EPB41L2: variants seen among roughly 807,000 people sequenced by gnomAD.
The protein encoded by EPB41L2 is erythrocyte membrane protein band 4.1 like 2, also known as band 4.1-like protein 2.
A neutral mutation model predicts 113.0 loss-of-function variants in EPB41L2; 43 were observed. The ratio of observed to expected loss-of-function variants is 0.38; its 90% CI spans 0.30 to 0.49. The LOEUF (loss-of-function observed/expected upper bound fraction) is 0.49. Ranked by LOEUF, EPB41L2 falls within the 20% of genes least tolerant of loss-of-function variation. The pLI, the probability that EPB41L2 is intolerant of heterozygous loss-of-function variation, is 0.95. For synonymous variants in EPB41L2, 442 were observed against 436.7 expected (o/e 1.01, Z -0.15); for missense variants, 1,147 against 1,223.4 (o/e 0.94, Z 0.93).
chr6:130,897,475 T>C (rs1389433615), intron 8 of EPB41L2, among the ~76,000 whole-genome samples: 1 of 152,164 alleles, frequency 6.6e-6, no homozygotes, highest in African/African-American at 2.4e-5. Flanking sequence ...GAGTCCACAA[T>C]TTCTTACTTT....
intron 19 of EPB41L2, among the ~76,000 whole-genome samples, chr6:130,844,984 G>C (rs1013235101): frequency 6.6e-6 from 1 of 152,228 alleles, no homozygotes; most frequent in Non-Finnish European, 1.5e-5. Flanking sequence ...AGAAGTTGCA[G>C]TGAGCTGAGA....
At chr6:131,044,734 A>T (rs1451844363) in intron 1 of EPB41L2, among the ~76,000 whole-genome samples, 2 of 152,184 alleles carry the variant, frequency 1.3e-5, no homozygotes, top group Non-Finnish European at 2.9e-5. Flanking sequence ...ACTGTTAAAA[A>T]GTTCCTCTGC....
chr6:130,844,768 C>T (rs1487330096), intron 19 of EPB41L2, among the ~76,000 whole-genome samples: 1 of 152,160 alleles, frequency 6.6e-6, no homozygotes, highest in Non-Finnish European at 1.5e-5. Context: ...ATCAGCTGGG[C>T]ACGGTGGTTC....
intron 1 of EPB41L2, among the ~76,000 whole-genome samples, chr6:131,030,421 T>C (rs1791907732): frequency 6.6e-6 from 1 of 152,228 alleles, no homozygotes; most frequent in Non-Finnish European, 1.5e-5. Flanking sequence ...AAAAGACTCA[T>C]ATATCTTCTT....
intron 19 of EPB41L2, among the ~76,000 whole-genome samples, chr6:130,847,868 A>C (rs1777505886): frequency 6.6e-6 from 1 of 152,184 alleles, no homozygotes; most frequent in Non-Finnish European, 1.5e-5. Context: ...TCTTTTAAAT[A>C]ACAAATGAAC....
intron 1 of EPB41L2, among the ~76,000 whole-genome samples, chr6:130,982,547 C>T (rs1475022810): frequency 6.6e-6 from 1 of 152,124 alleles, no homozygotes; most frequent in Non-Finnish European, 1.5e-5. Flanking sequence ...AAATGACTTA[C>T]TTGGAACATT....
rs1041568996 is a variant in EPB41L2, at chr6:130,899,523, A to G, written c.1204T>C (p.Ser402Pro). The change falls in exon 8 of 20, where the codon TCC becomes CCC. Residue 402 changes from serine (S) to proline (P), a missense_variant. Coordinates refer to ENST00000337057, the MANE Select transcript of EPB41L2 (RefSeq NM_001431.4). ...SQFLENAKRL[S>P]MYGVDLHHAK... ...TGATGTAGGTCAACACCATACATGG[A>G]AAGCCTCTTTGCATTTTCTAAGAAC... 1 of 1,614,042 alleles carries G rather than the reference A, an allele frequency of 6.2e-7. No homozygotes were observed. The highest frequency in any genetic ancestry group is 8.5e-7 in the Non-Finnish European group (1 of 1,179,882).
At chr6:130,919,279 G>C (rs1308928667) in intron 4 of EPB41L2, among the ~76,000 whole-genome samples, 2 of 152,062 alleles carry the variant, frequency 1.3e-5, no homozygotes, top group African/African-American at 4.8e-5. Context: ...TTTAGCATTA[G>C]TGTCTTTCTG....
chr6:130,905,595 T>C (rs1446772036), intron 5 of EPB41L2, among the ~76,000 whole-genome samples: 1 of 152,094 alleles, frequency 6.6e-6, no homozygotes, highest in East Asian at 1.9e-4. Flanking sequence ...ACTTATTTTT[T>C]ACTCTTTCAG....
intron 3 of EPB41L2, among the ~76,000 whole-genome samples, chr6:130,927,986 C>G (rs551697442): frequency 6.6e-6 from 1 of 151,970 alleles, no homozygotes; most frequent in African/African-American, 2.4e-5. Context: ...TCAGCTACTC[C>G]GGAGGCTGGG....
chr6:131,040,795 C>T (rs1338905), intron 1 of EPB41L2, among the ~76,000 whole-genome samples: 121,684 of 152,182 alleles, frequency 0.8, 49,038 homozygotes, highest in African/African-American at 0.88. Context: ...ATGAAAATAC[C>T]CTTACCAAAA....
intron 1 of EPB41L2, among the ~76,000 whole-genome samples, chr6:131,058,586 A>G (rs901781742): frequency 7.2e-5 from 11 of 152,224 alleles, no homozygotes; most frequent in Non-Finnish European, 1.5e-5. Flanking sequence ...GGTTCAATGA[A>G]TTAATTCATC....
intron 1 of EPB41L2, among the ~76,000 whole-genome samples, chr6:131,053,434 TAAAAAAAAA>T (rs71030727): frequency 0.013 from 1,196 of 88,932 alleles, 6 homozygotes; most frequent in South Asian, 0.034. Flanking sequence ...ATGGAAATGA[TAAAAAAAAA>T]AAAAAAAAAA....
intron 1 of EPB41L2, among the ~76,000 whole-genome samples, chr6:130,998,472 C>T (rs561456210): frequency 1.3e-5 from 2 of 151,932 alleles, no homozygotes; most frequent in Admixed American, 1.3e-4. Flanking sequence ...AGGAAAAAAA[C>T]GAAGAGAAGG....
chr6:130,967,795 T>G (rs1047482679), intron 1 of EPB41L2, among the ~76,000 whole-genome samples: 10 of 152,216 alleles, frequency 6.6e-5, no homozygotes, highest in Non-Finnish European at 1.5e-4. Context: ...AACTACATGT[T>G]CCTAGCACAG....
chr6:130,994,986 C>G (rs1270847416), intron 1 of EPB41L2, among the ~76,000 whole-genome samples: 1 of 151,786 alleles, frequency 6.6e-6, no homozygotes, highest in Non-Finnish European at 1.5e-5. Flanking sequence ...CCTTTCCAGA[C>G]AGAACCTATA....
intron 1 of EPB41L2, among the ~76,000 whole-genome samples, chr6:131,031,445 G>A (rs1003256323): frequency 2.0e-5 from 3 of 151,990 alleles, no homozygotes; most frequent in African/African-American, 7.2e-5. Context: ...TTTGTACCAA[G>A]GAGCATGCTG....
intron 3 of EPB41L2, among the ~76,000 whole-genome samples, chr6:130,936,147 TA>T (rs1204459294): frequency 6.6e-6 from 1 of 152,234 alleles, no homozygotes; most frequent in African/African-American, 2.4e-5. Context: ...CCTTTGGTAA[TA>T]AAAGTTTAAT....
intron 1 of EPB41L2, among the ~76,000 whole-genome samples, chr6:130,998,923 T>C (rs1385993195): frequency 6.6e-6 from 1 of 152,148 alleles, no homozygotes; most frequent in African/African-American, 2.4e-5. Flanking sequence ...CTACCTCGAA[T>C]AGAGTCCTCC....
Sources: allele counts gnomAD v4.1 joint callset (sites outside exome capture counted in the v4.1 genomes callset), GRCh38; gene constraint gnomAD v4.1.1; transcripts MANE v1.5; gene names NCBI Gene and HGNC (gene_info 2026-07-23, HGNC 2026-07-21).